Variants in MTOR observed in about 807,000 individuals in gnomAD.
MTOR encodes serine/threonine-protein kinase mTOR.
MTOR carries 70 observed loss-of-function variants against 319.8 expected under a neutral mutation model. The ratio of observed to expected loss-of-function variants is 0.22; its 90% confidence interval spans 0.18 to 0.27. MTOR has a LOEUF of 0.27. Among genes scored for constraint, MTOR ranks in the 10% least tolerant of loss-of-function variants. The probability of loss-of-function intolerance (pLI) is 1.00; values close to 1 mark genes in which losing one functional copy is unlikely to be tolerated. For synonymous variants in MTOR, 1,183 were observed against 1,211.4 expected (o/e 0.98, Z 0.49); for missense variants, 1,890 against 3,274.4 (o/e 0.58, Z 10.32).
intron 25 of MTOR, among the ~76,000 whole-genome samples, chr1:11,207,868 G>C (rs1646190064): frequency 6.6e-6 from 1 of 152,054 alleles, no homozygotes; most frequent in Non-Finnish European, 1.5e-5. Context: ...TTTTGAACTT[G>C]ATCTACTTTC....
At chr1:11,113,284 T>G (rs1194955783) in intron 53 of MTOR, among the ~76,000 whole-genome samples, 1 of 152,256 alleles carries the variant, frequency 6.6e-6, no homozygotes, top group East Asian at 1.9e-4. Flanking sequence ...TATTAAAATT[T>G]CAGCTTACTA....
rs70977555 is a variant in MTOR at position 11,242,500 on chromosome 1, C to CAAAAAAAA, written c.1412+606_1412+613dup. Among the ~76,000 whole-genome samples the CAAAAAAAA allele has an allele frequency of 2.3e-3, 119 of 52,528 alleles. 2 individuals carry two copies. The highest frequency in any genetic ancestry group is 0.026 in the Middle Eastern group (1 of 38). The allele number at this position is 52,528 out of a possible 152,430, so 34.5% of individuals were successfully genotyped here. ...GGGCAACCAAAGTAAGACTCCATCT[C>CAAAAAAAA]AAAAAAAAAAAAAAAAAAAAAAAAA... On this transcript the variant is annotated intron_variant, in intron 9 of 57. Transcript: ENST00000361445.
At chr1:11,194,572 G>C in intron 28 of MTOR, 1 of 1,614,096 alleles carries the variant, frequency 6.2e-7, no homozygotes, top group Non-Finnish European at 8.5e-7. Context: ...GGGGAACGAC[G>C]CCCTCCAGTA....
chr1:11,123,039 G>A (rs1342698969), intron 47 of MTOR, among the ~76,000 whole-genome samples: 1 of 152,094 alleles, frequency 6.6e-6, no homozygotes, highest in Non-Finnish European at 1.5e-5. Context: ...AGGAGTGCCA[G>A]AATACGGACG....
rs2100873480 is a variant in MTOR at position 11,232,482 on chromosome 1, A to G, written c.2468T>C (p.Ile823Thr). Residue 823 changes from isoleucine to threonine, a missense_variant, in exon 16 of 58, where the codon ATC becomes ACC. By Grantham distance (89) the Ile-to-Thr change is moderately conservative. Coordinates refer to ENST00000361445, the MANE Select transcript of MTOR (RefSeq NM_004958.4). ...GGAATCCTGGAGCATGTCCATGATG[A>G]TAATAAAAAGTTCATCAACCCATTT... ...MRKWVDELFI[I>T]IMDMLQDSSL... 1 of 1,614,050 alleles carries G rather than the reference A, an allele frequency of 6.2e-7. No homozygotes were observed. Among genetic ancestry groups the G allele is most frequent in the South Asian group, 1.1e-5 (1 of 91,082 alleles).
intron 28 of MTOR, among the ~76,000 whole-genome samples, chr1:11,197,558 TA>T (rs1645827653): frequency 6.6e-6 from 1 of 152,200 alleles, no homozygotes; most frequent in African/African-American, 2.4e-5. Context: ...TTCACTTTTT[TA>T]TTGAGACAGA....
At chr1:11,155,730 C>T (rs59862925) in intron 30 of MTOR, among the ~76,000 whole-genome samples, 13,575 of 152,220 alleles carry the variant, frequency 0.089, 974 homozygotes, top group South Asian at 0.2. Context: ...CCCCTGGGCT[C>T]CTTTGTTGAT....
At chr1:11,174,079 C>A (rs963466293) in intron 28 of MTOR, among the ~76,000 whole-genome samples, 1 of 152,174 alleles carries the variant, frequency 6.6e-6, no homozygotes, top group Admixed American at 6.6e-5. Flanking sequence ...CAGGCTATTG[C>A]CTTCCCTTAA....
chr1:11,118,739 G>A (rs934467894), intron 49 of MTOR, among the ~76,000 whole-genome samples: 17 of 150,360 alleles, frequency 1.1e-4, no homozygotes, highest in African/African-American at 2.2e-4. Context: ...TGATCCTCCC[G>A]CCACATCCTC....
At chr1:11,246,693 A>G (rs967660178) in intron 8 of MTOR, among the ~76,000 whole-genome samples, 4 of 152,126 alleles carry the variant, frequency 2.6e-5, no homozygotes, top group African/African-American at 4.8e-5. Context: ...CTGGCTCTCA[A>G]TGGGTCCTGA....
chr1:11,192,748 T>TAAAAA (rs56996673), intron 28 of MTOR, among the ~76,000 whole-genome samples: 2 of 119,248 alleles, frequency 1.7e-5, no homozygotes, highest in Non-Finnish European at 1.7e-5. Context: ...CCATTTCAAT[T>TAAAAA]AAAAAAAAAA....
At position 11,212,825 on chromosome 1, in the gene MTOR, A is replaced by G. The variant is rs765448663; in HGVS notation, c.3369T>C (p.Asp1123=). 15 of 1,614,158 alleles carry G rather than the reference A, an allele frequency of 9.3e-6. No homozygotes were observed. The Admixed American group carries it at 2.3e-4, about 25-fold the overall frequency. ...LLLPPIVKLF[D]APEAPLPSRK... The stretch of plus-strand genomic sequence containing the variant: ...GAGATGGCAGTGGAGCTTCAGGGGC[A>G]TCAAACAACTTAACAATAGGAGGCA... Residue 1123 remains aspartate (D), a synonymous_variant, in exon 22 of 58, where the codon GAT becomes GAC. Transcript: ENST00000361445. This position sits in a 1 kb window ranked among gnomAD's most constrained non-coding sequence, Gnocchi z 4.1.
intron 54 of MTOR, chr1:11,111,272 A>G (rs1641852369): frequency 1.5e-5 from 6 of 404,374 alleles, no homozygotes; most frequent in Non-Finnish European, 2.4e-5. Flanking sequence ...TGAGGTCAGG[A>G]GTTCGAAACC....
In MTOR at chr1:11,212,260, T is replaced by C. The variant is rs375849763; in HGVS notation, c.3561+52A>G. On this transcript the variant is annotated intron_variant, in intron 23 of 57. Transcript: ENST00000361445. The surrounding 1 kb of genome is among the most constrained non-coding windows in gnomAD (Gnocchi z 4.1). Reference sequence around the variant, plus strand: ...GTCTGAGTGGCTCACAGACAAAGTCTTCTTTCCAAATAAGGCAGAAGAGCA... The same window carrying C: ...GTCTGAGTGGCTCACAGACAAAGTCCTCTTTCCAAATAAGGCAGAAGAGCA... 4.6e-4 allele frequency: 712 copies of C among 1,556,560 alleles called. No individual in the cohort carries two copies. Among genetic ancestry groups the C allele is most frequent in the Middle Eastern group, 2.1e-3 (12 of 5,802 alleles).
chr1:11,227,944 C>G (rs1004862950), intron 19 of MTOR, among the ~76,000 whole-genome samples: 3 of 152,114 alleles, frequency 2.0e-5, no homozygotes, highest in Non-Finnish European at 4.4e-5. Flanking sequence ...TAAACACCTA[C>G]TCGGCCGCAT....
At chr1:11,222,247 A>T (rs747511313) in intron 19 of MTOR, among the ~76,000 whole-genome samples, 2 of 151,378 alleles carry the variant, frequency 1.3e-5, no homozygotes, top group Non-Finnish European at 1.5e-5. Flanking sequence ...CCCAGGCTGG[A>T]GTGCAGTGGC....
chr1:11,236,806 C>T (rs1357906211), intron 13 of MTOR, among the ~76,000 whole-genome samples: 1 of 152,110 alleles, frequency 6.6e-6, no homozygotes, highest in African/African-American at 2.4e-5. Flanking sequence ...CCACCACGCC[C>T]GGCCTTCAAC....
rs1362014595 is a variant in MTOR at position 11,106,741 on chromosome 1, T to G, written c.*744A>C. 2.4e-6 allele frequency: 3 copies of G among 1,235,692 alleles called. No homozygotes were observed. The allele number at this position is 1,235,692 out of a possible 1,614,324, so 76.5% of individuals were successfully genotyped here. ...GAGCCCTTGCTCTAAACAGAGTATT[T>G]TGACCACTGAAAACATCCCAGAACC... is the stretch of plus-strand genomic sequence containing the variant. On this transcript the variant is annotated 3_prime_UTR_variant, in exon 58 of 58. Coordinates refer to ENST00000361445, the MANE Select transcript of MTOR (RefSeq NM_004958.4).
chr1:11,161,562 G>C lies in MTOR; in HGVS notation c.4330-4271C>G, dbSNP rs181331429. Among the ~76,000 whole-genome samples the C allele has an allele frequency of 4.2e-3, 634 of 152,270 alleles. 3 individuals are homozygous for C. The highest frequency in any genetic ancestry group is 7.3e-3 in the Non-Finnish European group (498 of 68,004). Reference sequence around the variant, plus strand: ...TAGGGGCCGACTGACACCTCACACGGCTGGGTGCCCCTCTGAGACGAAGCT... The same window carrying C: ...TAGGGGCCGACTGACACCTCACACGCCTGGGTGCCCCTCTGAGACGAAGCT... On this transcript the variant is annotated intron_variant, in intron 29 of 57. Coordinates refer to ENST00000361445, the MANE Select transcript of MTOR (RefSeq NM_004958.4).
Sources: gnomAD v4.1 joint callset for allele counts (sites outside exome capture counted in the v4.1 genomes callset) on GRCh38, gnomAD v4.1.1 for gene constraint, Gnocchi (gnomAD v3.1) non-coding constraint, MANE v1.5 for transcripts, NCBI Gene and HGNC (gene_info 2026-07-23, HGNC 2026-07-21) for gene names.